Variants in LGI1 observed in about 807,000 individuals in gnomAD.
LGI1 encodes leucine rich glioma inactivated 1.
Under a neutral mutation model 57.7 loss-of-function variants are expected in LGI1, and 11 were observed. The observed-to-expected ratio is 0.19, with a 90% CI of 0.12 to 0.32. The LOEUF (loss-of-function observed/expected upper bound fraction) is 0.32. Ranked by LOEUF, LGI1 falls within the 10% of genes least tolerant of loss-of-function variation. The probability of loss-of-function intolerance (pLI) is 1.00; values close to 1 mark genes in which losing one functional copy is unlikely to be tolerated. For missense variants in LGI1, 422 were observed against 661.9 expected (o/e 0.64, Z 3.98); for synonymous variants, 222 against 241.9 (o/e 0.92, Z 0.76).
Position 93,797,650 on chromosome 10 carries a change from G to A in LGI1, c.1521G>A (p.Glu507=). ...SFTQVYNWDA[E]KAKFVKFQEL... ...CTCAAGTGTATAACTGGGATGCAGA[G>A]AAAGCCAAATTTGTGAAATTTCAGG... The change falls in exon 8 of 8, where the codon GAG becomes GAA. Residue 507 remains glutamate (E), a synonymous_variant. Coordinates refer to ENST00000371418, the MANE Select transcript of LGI1 (RefSeq NM_005097.4). The surrounding 1 kb of genome is among the most constrained non-coding windows in gnomAD (Gnocchi z 6.5). 6.2e-7 allele frequency: 1 copy of A among 1,614,156 alleles called. No individual in the cohort carries two copies. The highest frequency in any genetic ancestry group is 8.5e-7 in the Non-Finnish European group (1 of 1,180,016).
At chr10:93,784,176 T>C (rs953735922) in intron 4 of LGI1, among the ~76,000 whole-genome samples, 1 of 152,112 alleles carries the variant, frequency 6.6e-6, no homozygotes, top group African/African-American at 2.4e-5. Context: ...TCCTCAAGTC[T>C]CTCATTGACT....
At chr10:93,764,538 T>A (rs1026266221) in intron 2 of LGI1, 2 of 152,194 alleles carry the variant, frequency 1.3e-5, no homozygotes, top group East Asian at 1.9e-4. Context: ...AGCTGTAATA[T>A]CAAAACAGCT....
chr10:93,790,945 AAAC>A (rs2059932989), intron 5 of LGI1: 1 of 152,222 alleles, frequency 6.6e-6, no homozygotes, highest in African/African-American at 2.4e-5. Flanking sequence ...GGATATATGA[AAAC>A]AAAAGCTTTT....
At chr10:93,782,249 C>G (rs2059853429) in intron 4 of LGI1, among the ~76,000 whole-genome samples, 2 of 152,202 alleles carry the variant, frequency 1.3e-5, no homozygotes. Context: ...AGTTCCTCGG[C>G]TTTGCACCTT....
Position 93,777,152 on chromosome 10 carries a change from C to G in LGI1, c.288-227C>G, listed in dbSNP as rs2059802400. ...AATGTCACCCAGGGTATGTGGCAGT[C>G]ATTGTGAGGAATCGGGCACCAGGCA... On this transcript the variant is annotated intron_variant, in intron 2 of 7. Transcript: ENST00000371418. 1.8e-5 allele frequency: 11 copies of G among 609,700 alleles called. No homozygotes were observed. In the East Asian group the frequency reaches 2.8e-4, roughly 15 times the overall value. The allele number at this position is 609,700 out of a possible 1,614,324, so 37.8% of individuals were successfully genotyped here.
intron 2 of LGI1, chr10:93,765,270 T>G (rs1474319599): frequency 6.6e-6 from 1 of 152,202 alleles, no homozygotes; most frequent in Non-Finnish European, 1.5e-5. Context: ...CAGCTTTTAT[T>G]GCATAAAATA....
intron 2 of LGI1, among the ~76,000 whole-genome samples, chr10:93,775,273 C>A (rs1017736911): frequency 6.6e-6 from 1 of 152,152 alleles, no homozygotes; most frequent in African/African-American, 2.4e-5. Context: ...CTGATTCTAG[C>A]AGCATAGATT....
rs780811762 is a variant in LGI1, at chr10:93,758,763, C to G, written c.219C>G (p.Ser73=). 2 of 1,610,112 alleles carry G rather than the reference C, an allele frequency of 1.2e-6. No individual in the cohort carries two copies. The highest frequency in any genetic ancestry group is 1.7e-6 in the Non-Finnish European group (2 of 1,176,970). ...TCTCTTTTTTGTTTTCTTTCAGATCCTTTGTGAGATCTGGTTTTACTGAAA... is the reference window on the plus strand; with the variant it reads ...TCTCTTTTTTGTTTTCTTTCAGATCGTTTGTGAGATCTGGTTTTACTGAAA... ...RTVPPDVISL[S]FVRSGFTEIS... Residue 73 remains serine (S), a synonymous_variant, in exon 2 of 8, where the codon TCC becomes TCG. Coordinates refer to ENST00000371418, the MANE Select transcript of LGI1 (RefSeq NM_005097.4). The surrounding 1 kb of genome is among the most constrained non-coding windows in gnomAD (Gnocchi z 4.7).
Position 93,758,595 on chromosome 10 carries a change from T to A in LGI1, c.216-165T>A. The A allele has an allele frequency of 2.9e-6, 2 of 692,132 alleles. No homozygotes were observed. The highest frequency in any genetic ancestry group is 5.0e-6 in the Non-Finnish European group (2 of 398,884). The allele number at this position is 692,132 out of a possible 1,614,324, so 42.9% of individuals were successfully genotyped here. A position where few individuals can be genotyped will look rare whatever the true frequency, so the allele number is the denominator to read the frequency against. ...TTATCATGAGAAACCTGTAGCCGAT[T>A]CATTTCTCTTACTTCATCTGGGAAG... On this transcript the variant is annotated intron_variant, in intron 1 of 7. Coordinates refer to ENST00000371418, the MANE Select transcript of LGI1 (RefSeq NM_005097.4). The surrounding 1 kb of genome is among the most constrained non-coding windows in gnomAD (Gnocchi z 4.7).
At chr10:93,783,646 C>G (rs1407881301) in intron 4 of LGI1, among the ~76,000 whole-genome samples, 1 of 152,174 alleles carries the variant, frequency 6.6e-6, no homozygotes, top group Non-Finnish European at 1.5e-5. Context: ...GCATCCTCTG[C>G]TCTTTTCTTT....
intron 2 of LGI1, among the ~76,000 whole-genome samples, chr10:93,760,789 G>A (rs1414595495): frequency 1.3e-5 from 2 of 152,196 alleles, no homozygotes; most frequent in Non-Finnish European, 2.9e-5. Flanking sequence ...CCATGCCCGT[G>A]CCCCATGCTC....
In LGI1 at chr10:93,782,143, A is replaced by G. The variant is rs2059852678; in HGVS notation, c.431+4526A>G. 2.0e-5 allele frequency among the ~76,000 whole-genome samples: 3 copies of G among 152,292 alleles called. 1 individual carries two copies. In the South Asian group the frequency reaches 6.2e-4, roughly 32 times the overall value. On this transcript the variant is annotated intron_variant, in intron 4 of 7. Coordinates refer to ENST00000371418, the MANE Select transcript of LGI1 (RefSeq NM_005097.4). Reference sequence around the variant, plus strand: ...CAATAGGACAAGTTTATTTTCCATTATTTACTACTTATTAATAAATCTGGC... The same window carrying G: ...CAATAGGACAAGTTTATTTTCCATTGTTTACTACTTATTAATAAATCTGGC...
At chr10:93,760,778 G>T (rs2059614715) in intron 2 of LGI1, among the ~76,000 whole-genome samples, 1 of 152,200 alleles carries the variant, frequency 6.6e-6, no homozygotes, top group African/African-American at 2.4e-5. Flanking sequence ...CCGAGTGTGT[G>T]CCATGCCCGT....
intron 2 of LGI1, among the ~76,000 whole-genome samples, chr10:93,776,334 T>C (rs2059793712): frequency 6.6e-6 from 1 of 152,212 alleles, no homozygotes; most frequent in Non-Finnish European, 1.5e-5. Flanking sequence ...CTCTTATGTA[T>C]CCATCTTTCA....
At chr10:93,769,601 C>T (rs1242272948) in intron 2 of LGI1, 1 of 152,190 alleles carries the variant, frequency 6.6e-6, no homozygotes, top group Non-Finnish European at 1.5e-5. Flanking sequence ...TTAAAATCAT[C>T]CAGGAAGTCT....
intron 2 of LGI1, chr10:93,763,332 C>G (rs1423646372): frequency 6.6e-6 from 1 of 152,330 alleles, no homozygotes; most frequent in Non-Finnish European, 1.5e-5. Flanking sequence ...ACAAGTTCTG[C>G]AGGATCTCAT....
chr10:93,761,763 T>A (rs1051525520), intron 2 of LGI1, among the ~76,000 whole-genome samples: 9 of 152,346 alleles, frequency 5.9e-5, no homozygotes, highest in African/African-American at 1.9e-4. Flanking sequence ...ATACATTTTT[T>A]AAAAATCTCA....
chr10:93,784,583 C>A (rs558727975), intron 4 of LGI1, among the ~76,000 whole-genome samples: 1 of 152,168 alleles, frequency 6.6e-6, no homozygotes, highest in African/African-American at 2.4e-5. Context: ...AACACAGGAG[C>A]CTGGTACTCC....
chr10:93,761,664 A>T (rs2059624662), intron 2 of LGI1, among the ~76,000 whole-genome samples: 1 of 152,202 alleles, frequency 6.6e-6, no homozygotes, highest in Admixed American at 6.5e-5. Flanking sequence ...TTTGTGTTGG[A>T]GAACAAGAAA....
Sources: allele counts gnomAD v4.1 joint callset (sites outside exome capture counted in the v4.1 genomes callset), GRCh38; gene constraint gnomAD v4.1.1; non-coding constraint Gnocchi (gnomAD v3.1); transcripts MANE v1.5; gene names NCBI Gene and HGNC (gene_info 2026-07-23, HGNC 2026-07-21).